Variants in SCEL observed in about 807,000 individuals in gnomAD.
SCEL encodes sciellin.
In SCEL, 113 loss-of-function variants were observed where a neutral mutation model predicts 117.6. The ratio of observed to expected loss-of-function variants is 0.96; its 90% CI spans 0.83 to 1.12. The LOEUF (loss-of-function observed/expected upper bound fraction) is 1.12. SCEL is among the 50% of genes most tolerant of loss of function. SCEL has a pLI of 0.00. For synonymous variants in SCEL, 270 were observed against 256.2 expected, an observed-to-expected ratio of 1.05 and a Z score of -0.51; for missense variants, 785 against 810.8, an observed-to-expected ratio of 0.97 and a Z score of 0.39.
At chr13:77,577,532 T>C (rs1232943600) in intron 9 of SCEL, among the ~76,000 whole-genome samples, 1 of 152,144 alleles carries the variant, frequency 6.6e-6, no homozygotes, top group Admixed American at 6.5e-5. Context: ...ATGGGGCTCA[T>C]GGGGACTACA....
intron 27 of SCEL, among the ~76,000 whole-genome samples, chr13:77,620,946 G>A (rs757557298): frequency 2.0e-5 from 3 of 152,096 alleles, no homozygotes; most frequent in Admixed American, 1.3e-4. Flanking sequence ...TCATATTTCT[G>A]TTAACATAAA....
intron 30 of SCEL, among the ~76,000 whole-genome samples, chr13:77,638,075 T>C (rs923521349): frequency 1.3e-5 from 2 of 152,230 alleles, no homozygotes; most frequent in African/African-American, 4.8e-5. Context: ...GGGCTGGAGA[T>C]ATGACTCACT....
intron 1 of SCEL, among the ~76,000 whole-genome samples, chr13:77,538,102 C>G (rs1326933914): frequency 1.3e-5 from 2 of 148,448 alleles, no homozygotes; most frequent in African/African-American, 5.0e-5. Flanking sequence ...AAGCTCACTT[C>G]TGAATCAAAA....
chr13:77,581,360 A>C (rs944460356), intron 9 of SCEL, among the ~76,000 whole-genome samples: 1 of 152,234 alleles, frequency 6.6e-6, no homozygotes, highest in South Asian at 2.1e-4. Flanking sequence ...TGAAGGTCTT[A>C]ACCTTTAGCA....
chr13:77,540,048 T>G (rs2083618360), intron 1 of SCEL, among the ~76,000 whole-genome samples: 1 of 152,104 alleles, frequency 6.6e-6, no homozygotes, highest in Non-Finnish European at 1.5e-5. Flanking sequence ...AAAGCACATT[T>G]AAGAATATGT....
chr13:77,590,077 G>C (rs1265566374), intron 10 of SCEL, among the ~76,000 whole-genome samples: 1 of 151,956 alleles, frequency 6.6e-6, no homozygotes, highest in Non-Finnish European at 1.5e-5. Context: ...TGATTTTTTT[G>C]ACACCACGTA....
intron 8 of SCEL, 151 bp downstream of exon 8, chr13:77,569,602 T>C (rs1481286611): frequency 1.7e-6 from 1 of 589,410 alleles, no homozygotes; most frequent in East Asian, 2.9e-5. Flanking sequence ...TTCTCAAATA[T>C]AGAGTCTTGT....
rs950169905 is a variant in SCEL, at chr13:77,619,653, T to C, written c.1628+1593T>C. Among the ~76,000 whole-genome samples the C allele has an allele frequency of 8.5e-5, 13 of 152,324 alleles. No homozygotes were observed. The South Asian group carries it at 1.4e-3, about 17-fold the overall frequency. ...CATGCGGATTTTCTAAAAGCTGAAA[T>C]AACAGTGGACCCTCCTGCTGAGAAT... On this transcript the variant is annotated intron_variant, in intron 27 of 32. Transcript: ENST00000349847.
intron 8 of SCEL, among the ~76,000 whole-genome samples, chr13:77,570,535 A>G (rs1279911769): frequency 6.6e-6 from 1 of 152,222 alleles, no homozygotes; most frequent in African/African-American, 2.4e-5. Context: ...ATTGAGCTGG[A>G]ATCTGCCTTG....
chr13:77,576,102 T>C (rs547485530), intron 9 of SCEL, among the ~76,000 whole-genome samples: 1 of 152,276 alleles, frequency 6.6e-6, no homozygotes, highest in South Asian at 2.1e-4. Context: ...CTTCCTCTCT[T>C]TCCATCTCAG....
chr13:77,539,325 A>G (rs2083575069), intron 1 of SCEL, among the ~76,000 whole-genome samples: 2 of 151,404 alleles, frequency 1.3e-5, no homozygotes, highest in South Asian at 4.1e-4. Context: ...TATGTATAAA[A>G]TATGACTCAC....
chr13:77,582,346 C>T (rs2086307655), intron 9 of SCEL, among the ~76,000 whole-genome samples: 1 of 152,122 alleles, frequency 6.6e-6, no homozygotes, highest in South Asian at 2.1e-4. Context: ...CATGCCTCAG[C>T]CTCCTGAGTA....
Position 77,617,956 on chromosome 13 carries a change from C to CA in SCEL, c.1572-44dup, listed in dbSNP as rs200063045. The CA allele has an allele frequency of 1.6e-3, 2,622 of 1,597,260 alleles. 42 individuals carry two copies. The African/African-American group carries it at 0.031, about 19-fold the overall frequency. ...TTGCTTTATTGACCTAGCACAACCCCAAAATCTATTACCAATCTGAACTTT... is the reference window on the plus strand; with the variant it reads ...TTGCTTTATTGACCTAGCACAACCCCAAAAATCTATTACCAATCTGAACTTT... On this transcript the variant is annotated intron_variant, in intron 26 of 32. Coordinates refer to ENST00000349847, the MANE Select transcript of SCEL (RefSeq NM_144777.3).
chr13:77,618,157 A>C (rs971003693), intron 27 of SCEL, 97 bp downstream of exon 27: 33 of 879,326 alleles, frequency 3.8e-5, no homozygotes, highest in Middle Eastern at 5.0e-4. Flanking sequence ...TTCCTCCCTT[A>C]CTCCTTTCCT....
At chr13:77,544,147 GTTA>G (rs545077041) in intron 1 of SCEL, among the ~76,000 whole-genome samples, 143 of 152,216 alleles carry the variant, frequency 9.4e-4, no homozygotes, top group African/African-American at 3.2e-3. Flanking sequence ...GCTCAAAATA[GTTA>G]TTATTATTGT....
chr13:77,626,526 G>A (rs2089741539), intron 27 of SCEL, among the ~76,000 whole-genome samples: 1 of 152,156 alleles, frequency 6.6e-6, no homozygotes, highest in Non-Finnish European at 1.5e-5. Context: ...CACATGTCAA[G>A]GGAGGGACCT....
chr13:77,609,097 A>T lies in SCEL; in HGVS notation c.1257A>T (p.Gly419=), dbSNP rs930636500. The T allele has an allele frequency of 6.3e-7, 1 of 1,598,838 alleles. No homozygotes were observed. Among genetic ancestry groups the T allele is most frequent in the African/African-American group, 1.4e-5 (1 of 73,890 alleles). Residue 419 remains glycine (G), a synonymous_variant, in exon 21 of 33, where the codon GGA becomes GGT. Coordinates refer to ENST00000349847, the MANE Select transcript of SCEL (RefSeq NM_144777.3). ...DLNNFIKVYP[G]TEKSTEGGQS... is the part of the protein sequence containing the mutation. ...ATAACTTCATCAAAGTGTATCCAGG[A>T]ACAGAAAAAAGTACTGAAGGGTAAG... is the stretch of plus-strand genomic sequence containing the variant.
chr13:77,538,278 G>A (rs531586945), intron 1 of SCEL, among the ~76,000 whole-genome samples: 81 of 152,010 alleles, frequency 5.3e-4, no homozygotes, highest in African/African-American at 1.6e-3. Flanking sequence ...CACCACACCC[G>A]ACTAATTTTT....
chr13:77,582,690 G>A (rs908110662), intron 9 of SCEL, among the ~76,000 whole-genome samples: 2 of 152,068 alleles, frequency 1.3e-5, no homozygotes, highest in African/African-American at 2.4e-5. Context: ...TTCTCTTAAC[G>A]ATGCACTTTT....
Sources: allele counts gnomAD v4.1 joint callset (sites outside exome capture counted in the v4.1 genomes callset), GRCh38; gene constraint gnomAD v4.1.1; transcripts MANE v1.5; gene names NCBI Gene and HGNC (gene_info 2026-07-23, HGNC 2026-07-21).